The following KCNIP1 variants were observed in gnomAD, a reference collection of about 807,000 sequenced individuals.
The protein encoded by KCNIP1 is A-type potassium channel modulatory protein KCNIP1.
In KCNIP1, 18 loss-of-function variants were observed where a neutral mutation model predicts 33.0. The observed-to-expected ratio is 0.55, with a 90% CI of 0.38 to 0.81. The LOEUF (loss-of-function observed/expected upper bound fraction) is 0.81. Ranked by LOEUF, KCNIP1 falls within the 30% of genes least tolerant of loss-of-function variation. The probability of loss-of-function intolerance (pLI) is 0.00; values close to 1 mark genes in which losing one functional copy is unlikely to be tolerated. For synonymous variants in KCNIP1, 93 were observed against 98.3 expected, an observed-to-expected ratio of 0.95 and a Z score of 0.32; for missense variants, 238 against 271.6, an observed-to-expected ratio of 0.88 and a Z score of 0.87.
At chr5:170,649,269 T>C (rs1214319466) in intron 1 of KCNIP1, among the ~76,000 whole-genome samples, 1 of 152,170 alleles carries the variant, frequency 6.6e-6, no homozygotes, top group East Asian at 1.9e-4. Flanking sequence ...CTCTCAGTGG[T>C]TGAATGAATA....
At chr5:170,715,358 C>G (rs1763611753) in intron 1 of KCNIP1, among the ~76,000 whole-genome samples, 3 of 152,310 alleles carry the variant, frequency 2.0e-5, no homozygotes, top group African/African-American at 7.2e-5. Flanking sequence ...CGACACATGA[C>G]TGAATAAGCA....
At chr5:170,631,604 C>T (rs948551904) in intron 1 of KCNIP1, among the ~76,000 whole-genome samples, 2 of 152,230 alleles carry the variant, frequency 1.3e-5, no homozygotes, top group African/African-American at 4.8e-5. Context: ...AGCACAGAGC[C>T]ACCAGGCCCC....
At chr5:170,721,648 G>C in intron 3 of KCNIP1, 185 bp from the exon 4 acceptor site, 1 of 1,231,798 alleles carries the variant, frequency 8.1e-7, no homozygotes, top group Non-Finnish European at 1.1e-6. Flanking sequence ...CTCACTTTTT[G>C]CTAGATCTAA....
At chr5:170,612,190 C>T (rs371589511) in intron 1 of KCNIP1, among the ~76,000 whole-genome samples, 30 of 152,194 alleles carry the variant, frequency 2.0e-4, no homozygotes, top group South Asian at 8.3e-4. Context: ...AAGGCTTGCA[C>T]GCACGAGGGG....
chr5:170,520,753 C>T (rs552207169), intron 1 of KCNIP1, among the ~76,000 whole-genome samples: 9 of 152,330 alleles, frequency 5.9e-5, no homozygotes, highest in East Asian at 1.9e-4. Context: ...TTTCAGCAGC[C>T]GGACTCTGGG....
intron 1 of KCNIP1, among the ~76,000 whole-genome samples, chr5:170,471,425 T>A (rs1756724746): frequency 6.6e-6 from 1 of 152,136 alleles, no homozygotes; most frequent in South Asian, 2.1e-4. Context: ...GATGACCAAG[T>A]TTTCCATAAA....
chr5:170,406,566 T>A (rs959662787), intron 1 of KCNIP1, among the ~76,000 whole-genome samples: 2 of 152,040 alleles, frequency 1.3e-5, no homozygotes, highest in Admixed American at 1.3e-4. Flanking sequence ...AAGAGGTGAG[T>A]GGCCTGTTCA....
At chr5:170,378,938 C>A in intron 1 of KCNIP1, 1 of 1,614,112 alleles carries the variant, frequency 6.2e-7, no homozygotes, top group Non-Finnish European at 8.5e-7. Flanking sequence ...CCCGGGCCGT[C>A]TGGTAATTGT....
chr5:170,732,968 T>C lies in KCNIP1; in HGVS notation c.540+64T>C, dbSNP rs995587170. ...CCTAGATCAAGTCAACCCACGAGCATCTGAGCAAATGATTTGTGTCCAACC... is the reference window on the plus strand; with the variant it reads ...CCTAGATCAAGTCAACCCACGAGCACCTGAGCAAATGATTTGTGTCCAACC... On this transcript the variant is annotated intron_variant, in intron 6 of 7. Transcript: ENST00000328939. 1.1e-4 allele frequency: 104 copies of C among 952,354 alleles called. 1 individual carries two copies. Among genetic ancestry groups the C allele is most frequent in the Non-Finnish European group, 1.4e-5 (8 of 582,758 alleles). The allele number at this position is 952,354 out of a possible 1,614,324, so 59.0% of individuals were successfully genotyped here.
chr5:170,367,410 A>G (rs1361003148), intron 1 of KCNIP1, among the ~76,000 whole-genome samples: 7 of 109,186 alleles, frequency 6.4e-5, no homozygotes, highest in African/African-American at 2.4e-4. Flanking sequence ...AGAAAGAAAG[A>G]AAGAAAGAAA....
intron 1 of KCNIP1, among the ~76,000 whole-genome samples, chr5:170,514,777 A>C (rs1755063491): frequency 6.6e-6 from 1 of 152,250 alleles, no homozygotes; most frequent in Non-Finnish European, 1.5e-5. Flanking sequence ...AAAGGAAAGA[A>C]ACCGATCTGT....
chr5:170,385,289 T>A (rs1274377356), intron 1 of KCNIP1: 2 of 1,612,270 alleles, frequency 1.2e-6, no homozygotes, highest in Admixed American at 1.7e-5. Context: ...GGTTGGGGGG[T>A]GGGCAGGCCG....
chr5:170,696,826 A>G (rs372603582), intron 1 of KCNIP1, among the ~76,000 whole-genome samples: 2 of 152,102 alleles, frequency 1.3e-5, no homozygotes, highest in East Asian at 3.9e-4. Context: ...AATCAAGGAG[A>G]AGATCATAAA....
At chr5:170,479,378 T>G (rs1756924859) in intron 1 of KCNIP1, among the ~76,000 whole-genome samples, 2 of 152,210 alleles carry the variant, frequency 1.3e-5, no homozygotes, top group African/African-American at 4.8e-5. Flanking sequence ...CAAACATGAC[T>G]ACTAATTTCT....
chr5:170,722,954 C>A (rs1763881924), intron 5 of KCNIP1, 134 bp downstream of exon 5: 14 of 615,746 alleles, frequency 2.3e-5, no homozygotes, highest in Admixed American at 1.2e-4. Flanking sequence ...GAGCTGGTCC[C>A]TGGCAAAATA....
intron 1 of KCNIP1, chr5:170,712,736 CAT>C (rs1466170039): frequency 3.3e-6 from 3 of 921,814 alleles, no homozygotes; most frequent in Non-Finnish European, 5.5e-6. Context: ...AGGCTCTTCG[CAT>C]ATGTCAAGCT....
intron 1 of KCNIP1, among the ~76,000 whole-genome samples, chr5:170,654,131 T>G (rs1164650344): frequency 3.9e-5 from 6 of 152,162 alleles, no homozygotes. Flanking sequence ...TTGCCCTTCT[T>G]CAGGGTTCAA....
intron 1 of KCNIP1, among the ~76,000 whole-genome samples, chr5:170,578,097 A>C (rs1040646660): frequency 1.3e-5 from 2 of 152,226 alleles, no homozygotes; most frequent in Non-Finnish European, 2.9e-5. Flanking sequence ...AGTGCCCACT[A>C]TGTGGTAGGC....
intron 1 of KCNIP1, among the ~76,000 whole-genome samples, chr5:170,676,540 G>C (rs909860742): frequency 1.6e-4 from 25 of 152,116 alleles, no homozygotes; most frequent in African/African-American, 5.3e-4. Context: ...TGCAATTATT[G>C]GCATTATTTT....
Sources: allele counts gnomAD v4.1 joint callset (sites outside exome capture counted in the v4.1 genomes callset), GRCh38; gene constraint gnomAD v4.1.1; transcripts MANE v1.5; gene names NCBI Gene and HGNC (gene_info 2026-07-23, HGNC 2026-07-21).